Variants in RANBP2 observed in about 807,000 individuals in gnomAD.
RANBP2 encodes RAN binding protein 2.
Under a neutral mutation model 303.6 loss-of-function variants are expected in RANBP2, and 57 were observed. The ratio of observed to expected loss-of-function variants is 0.19; its 90% CI spans 0.15 to 0.23. RANBP2 has a LOEUF of 0.23. RANBP2 is among the 10% of genes least tolerant of loss of function. The pLI is 1.00. For missense variants in RANBP2, 3,138 were observed against 3,780.8 expected, an observed-to-expected ratio of 0.83 and a Z score of 4.46; for synonymous variants, 1,167 against 1,301.5, an observed-to-expected ratio of 0.90 and a Z score of 2.23.
the RANBP2 span, among the ~76,000 whole-genome samples, chr2:108,829,076 A>G: frequency 6.6e-6 from 1 of 152,216 alleles, no homozygotes; most frequent in African/African-American, 2.4e-5. Flanking sequence ...TCTTCATGAT[A>G]TTAGATTTGG....
intron 17 of RANBP2, among the ~76,000 whole-genome samples, chr2:108,757,559 C>T (rs1423034637): frequency 1.3e-5 from 2 of 151,942 alleles, no homozygotes; most frequent in African/African-American, 2.4e-5. Flanking sequence ...TTTCCCTTTC[C>T]TGGTGGAGCA....
chr2:109,245,048 G>T, the RANBP2 span, among the ~76,000 whole-genome samples: 2 of 152,266 alleles, frequency 1.3e-5, no homozygotes, highest in Middle Eastern at 3.4e-3. Context: ...TAGTCCTGTT[G>T]TCTGGGCAGC....
At chr2:109,590,166 G>C in the RANBP2 span, among the ~76,000 whole-genome samples, 6 of 151,604 alleles carry the variant, frequency 4.0e-5, no homozygotes, top group Admixed American at 6.6e-5. Flanking sequence ...ACAGACTATT[G>C]AGAGTGGTTA....
the RANBP2 span, among the ~76,000 whole-genome samples, chr2:109,495,570 C>T: frequency 6.9e-6 from 1 of 145,020 alleles, no homozygotes; most frequent in African/African-American, 2.5e-5. Flanking sequence ...CCCACTGCAA[C>T]CTCCGCCTCC....
chr2:108,919,769 C>T, the RANBP2 span, among the ~76,000 whole-genome samples: 7 of 151,986 alleles, frequency 4.6e-5, no homozygotes, highest in African/African-American at 1.7e-4. Flanking sequence ...GTCAGCGAGG[C>T]TCCGTGGGGC....
chr2:109,553,973 T>A, the RANBP2 span, among the ~76,000 whole-genome samples: 2 of 152,350 alleles, frequency 1.3e-5, no homozygotes, highest in East Asian at 3.9e-4. Flanking sequence ...AACCAATTTT[T>A]ACCATAGGGT....
the RANBP2 span, among the ~76,000 whole-genome samples, chr2:108,932,905 A>C: frequency 1.3e-5 from 2 of 152,188 alleles, no homozygotes; most frequent in African/African-American, 4.8e-5. Flanking sequence ...GGGAGCTTCC[A>C]GTCTGCAGGC....
chr2:108,911,920 T>C, the RANBP2 span, among the ~76,000 whole-genome samples: 1 of 152,230 alleles, frequency 6.6e-6, no homozygotes, highest in Non-Finnish European at 1.5e-5. Context: ...TGTAATAGCG[T>C]TAGCATGCCA....
the RANBP2 span, among the ~76,000 whole-genome samples, chr2:109,114,374 T>TGTA: frequency 6.6e-6 from 1 of 152,264 alleles, no homozygotes; most frequent in Non-Finnish European, 1.5e-5. Context: ...GGTGTATGTG[T>TGTA]TGAGGAATTT....
chr2:109,161,898 T>C, the RANBP2 span, among the ~76,000 whole-genome samples: 9 of 151,956 alleles, frequency 5.9e-5, no homozygotes, highest in African/African-American at 2.2e-4. Flanking sequence ...ATATCCAAAC[T>C]ATAGCCTATC....
At chr2:109,238,891 T>TGACCCAAGA in the RANBP2 span, among the ~76,000 whole-genome samples, 1 of 152,170 alleles carries the variant, frequency 6.6e-6, no homozygotes, top group African/African-American at 2.4e-5. Context: ...ACAGCTCCAC[T>TGACCCAAGA]GTGGTCACTG....
chr2:108,721,064 A>C (rs527429612), intron 1 of RANBP2, among the ~76,000 whole-genome samples: 6 of 151,926 alleles, frequency 3.9e-5, no homozygotes, highest in East Asian at 3.9e-4. Flanking sequence ...AAACAAAAAC[A>C]AAAAAAACCC....
the RANBP2 span, among the ~76,000 whole-genome samples, chr2:109,005,688 G>T: frequency 6.6e-6 from 1 of 152,162 alleles, no homozygotes; most frequent in South Asian, 2.1e-4. Context: ...TACAACCAGC[G>T]TTTTGTTCCA....
chr2:109,563,777 C>T, the RANBP2 span, among the ~76,000 whole-genome samples: 5 of 152,156 alleles, frequency 3.3e-5, no homozygotes, highest in Non-Finnish European at 7.4e-5. Flanking sequence ...TCACTCATTC[C>T]AAAACCTTTA....
chr2:108,887,312 T>C, the RANBP2 span, among the ~76,000 whole-genome samples: 1 of 152,224 alleles, frequency 6.6e-6, no homozygotes, highest in African/African-American at 2.4e-5. Context: ...AGTGAGTCAT[T>C]GTGATGCCTA....
chr2:109,029,509 T>C, the RANBP2 span, among the ~76,000 whole-genome samples: 1 of 152,220 alleles, frequency 6.6e-6, no homozygotes. Flanking sequence ...TCAGTGTGTG[T>C]CTGTCCGTTT....
At chr2:109,242,035 C>T in the RANBP2 span, among the ~76,000 whole-genome samples, 23 of 152,142 alleles carry the variant, frequency 1.5e-4, no homozygotes, top group Admixed American at 1.4e-3. Flanking sequence ...CCCAGTCCTT[C>T]GTCCTGCAAG....
the RANBP2 span, chr2:108,910,991 A>T: frequency 6.2e-7 from 1 of 1,614,150 alleles, no homozygotes; most frequent in Non-Finnish European, 8.5e-7. Flanking sequence ...CATGATGATG[A>T]GGACGATGGC....
chr2:109,246,891 C>A, the RANBP2 span, among the ~76,000 whole-genome samples: 42 of 152,202 alleles, frequency 2.8e-4, no homozygotes, highest in Non-Finnish European at 5.4e-4. Flanking sequence ...AGGTTTGATG[C>A]TAGGACCCCT....
Sources: gnomAD v4.1 joint callset for allele counts (sites outside exome capture counted in the v4.1 genomes callset) on GRCh38, gnomAD v4.1.1 for gene constraint, MANE v1.5 for transcripts, NCBI Gene and HGNC (gene_info 2026-07-23, HGNC 2026-07-21) for gene names.